NEXMIF: variants seen among roughly 807,000 people sequenced by gnomAD.
NEXMIF encodes neurite extension and migration factor.
Under a neutral mutation model 62.1 loss-of-function variants are expected in NEXMIF, and 8 were observed. The observed-to-expected ratio is 0.13, with a 90% CI of 0.08 to 0.23. The LOEUF is 0.23. NEXMIF is among the 10% of genes least tolerant of loss of function. The probability of loss-of-function intolerance (pLI) is 1.00; values close to 1 mark genes in which losing one functional copy is unlikely to be tolerated. For synonymous variants in NEXMIF, 404 were observed against 416.6 expected, an observed-to-expected ratio of 0.97 and a Z score of 0.37; for missense variants, 976 against 1,113.3, an observed-to-expected ratio of 0.88 and a Z score of 1.75.
At chrX:74,816,278 A>T (rs1358423787) in intron 1 of NEXMIF, among the ~76,000 whole-genome samples, 2 of 111,781 alleles carry the variant, frequency 1.8e-5, no homozygotes, top group Non-Finnish European at 3.8e-5. Context: ...TCACAAATTT[A>T]TACTGGGAAT....
chrX:74,829,162 G>T (rs1369733086), intron 1 of NEXMIF, among the ~76,000 whole-genome samples: 1 of 111,670 alleles, frequency 9.0e-6, no homozygotes, highest in Non-Finnish European at 1.9e-5. Flanking sequence ...GGTAAATGGG[G>T]TATCCATCCA....
chrX:74,821,783 G>A (rs1032370180), intron 1 of NEXMIF, among the ~76,000 whole-genome samples: 11 of 111,195 alleles, frequency 9.9e-5, no homozygotes, highest in East Asian at 2.8e-4. Context: ...AGGCCGGAGC[G>A]CCGTGGCTCA....
intron 1 of NEXMIF, among the ~76,000 whole-genome samples, chrX:74,768,755 T>C (rs780277669): frequency 1.8e-5 from 2 of 112,478 alleles, no homozygotes; most frequent in South Asian, 7.3e-4. Flanking sequence ...TTTAACTCTA[T>C]GTGACAGTAA....
chrX:74,831,723 T>C (rs1249334571), intron 1 of NEXMIF, among the ~76,000 whole-genome samples: 1 of 111,949 alleles, frequency 8.9e-6, no homozygotes, highest in Non-Finnish European at 1.9e-5. Context: ...TTCAGTTTTA[T>C]CCCATTCATT....
In NEXMIF at chrX:74,741,750, A is replaced by C. The variant is rs2080105001; in HGVS notation, c.2807T>G (p.Ile936Ser). ...ATTACTGCCACCACTATTGAGACAG[A>C]TTGGATTGTATGTTGTAGGTGTGAG... ...NNLTPTTYNP[I>S]CLNSGGSNCN... is the part of the protein sequence containing the mutation. The change falls in exon 3 of 4, where the codon ATC becomes AGC. Residue 936 changes from isoleucine (I) to serine (S), a missense_variant. By Grantham distance (142) the Ile-to-Ser change is moderately radical. Around this residue, in one of 5 missense-constraint regions of NEXMIF, gnomAD observed 639 missense variants for 694.5 expected, o/e 0.92. Transcript: ENST00000055682. The C allele has an allele frequency of 8.3e-7, 1 of 1,211,215 alleles. No homozygotes were observed. Among genetic ancestry groups the C allele is most frequent in the East Asian group, 3.0e-5 (1 of 33,823 alleles).
In NEXMIF at chrX:74,742,966, C is replaced by G. The variant is rs1341927874; in HGVS notation, c.1591G>C (p.Val531Leu). Residue 531 changes from valine to leucine, a missense_variant, in exon 3 of 4, where the codon GTA becomes CTA. Physicochemically the swap from Val to Leu is conservative, Grantham distance 32. Around this residue, in one of 5 missense-constraint regions of NEXMIF, gnomAD observed 639 missense variants for 694.5 expected, o/e 0.92. Transcript: ENST00000055682. ...DEWCPKKRRK[V>L]TRKEPPVIIK... ...ATAACAGGGGGCTCCTTACGGGTTA[C>G]TTTTCTTCTCTTTTTGGGACACCAT... The G allele has an allele frequency of 8.3e-7, 1 of 1,209,297 alleles. No individual in the cohort carries two copies. Among genetic ancestry groups the G allele is most frequent in the Admixed American group, 2.2e-5 (1 of 45,659 alleles).
At chrX:74,809,120 A>G (rs1364042468) in intron 1 of NEXMIF, among the ~76,000 whole-genome samples, 1 of 111,439 alleles carries the variant, frequency 9.0e-6, no homozygotes, top group Non-Finnish European at 1.9e-5. Flanking sequence ...CAGCACCTTG[A>G]TCTTGGACTT....
intron 1 of NEXMIF, among the ~76,000 whole-genome samples, chrX:74,864,647 G>A (rs1208198119): frequency 5.4e-5 from 6 of 111,955 alleles, no homozygotes; most frequent in Non-Finnish European, 1.1e-4. Flanking sequence ...GGCCTTCCCA[G>A]CCATGGGGAA....
chrX:74,773,636 G>A (rs2080218014), intron 1 of NEXMIF, among the ~76,000 whole-genome samples: 1 of 111,061 alleles, frequency 9.0e-6, no homozygotes, highest in African/African-American at 3.3e-5. Flanking sequence ...GGTCAGGTGC[G>A]GTGGCTTACG....
intron 1 of NEXMIF, among the ~76,000 whole-genome samples, chrX:74,756,222 T>C (rs1329910850): frequency 8.9e-6 from 1 of 112,094 alleles, no homozygotes; most frequent in Non-Finnish European, 1.9e-5. Flanking sequence ...CGGCCTCCCG[T>C]AGTGCTGGGA....
intron 1 of NEXMIF, among the ~76,000 whole-genome samples, chrX:74,790,398 G>A (rs1452159347): frequency 8.8e-6 from 1 of 113,388 alleles, no homozygotes; most frequent in Admixed American, 9.3e-5. Context: ...ACAGTTTGAA[G>A]TCAGGTAGTG....
intron 1 of NEXMIF, among the ~76,000 whole-genome samples, chrX:74,868,439 T>C (rs1569358277): frequency 9.0e-6 from 1 of 111,668 alleles, no homozygotes; most frequent in Non-Finnish European, 1.9e-5. Context: ...TTGAATACTA[T>C]GCAGGCATAA....
At chrX:74,747,129 TTG>T (rs1279581032) in intron 1 of NEXMIF, among the ~76,000 whole-genome samples, 1 of 112,121 alleles carries the variant, frequency 8.9e-6, no homozygotes, top group Non-Finnish European at 1.9e-5. Context: ...CATTTTTGTT[TTG>T]GAGTTCAGTA....
intron 1 of NEXMIF, among the ~76,000 whole-genome samples, chrX:74,891,067 CAG>C (rs2080716268): frequency 8.9e-6 from 1 of 111,753 alleles, no homozygotes; most frequent in African/African-American, 3.2e-5. Flanking sequence ...AGAGAAAAAA[CAG>C]AGCCATTTTT....
At chrX:74,904,664 T>G (rs2080760928) in intron 1 of NEXMIF, among the ~76,000 whole-genome samples, 3 of 111,590 alleles carry the variant, frequency 2.7e-5, no homozygotes, top group Non-Finnish European at 5.6e-5. Flanking sequence ...TGGATAATTT[T>G]TACGATGAAA....
intron 1 of NEXMIF, among the ~76,000 whole-genome samples, chrX:74,889,641 A>C (rs1227069249): frequency 3.6e-5 from 4 of 109,681 alleles, no homozygotes; most frequent in Non-Finnish European, 5.7e-5. Context: ...AGCACTGATA[A>C]AATTCTTCCT....
chrX:74,885,963 C>A (rs1354799333), intron 1 of NEXMIF, among the ~76,000 whole-genome samples: 1 of 112,079 alleles, frequency 8.9e-6, no homozygotes, highest in Non-Finnish European at 1.9e-5. Context: ...ATCAAGTGTG[C>A]TTCATCCCTG....
At chrX:74,902,343 T>C (rs1042702603) in intron 1 of NEXMIF, among the ~76,000 whole-genome samples, 5 of 109,561 alleles carry the variant, frequency 4.6e-5, no homozygotes, top group Non-Finnish European at 9.5e-5. Flanking sequence ...CATGTATGTT[T>C]ATGTGTGTGT....
At chrX:74,865,435 A>G (rs2080575026) in intron 1 of NEXMIF, among the ~76,000 whole-genome samples, 1 of 112,404 alleles carries the variant, frequency 8.9e-6, no homozygotes, top group African/African-American at 3.2e-5. Context: ...TAATCTGCAA[A>G]GCATTCAAAA....
Sources: gnomAD v4.1 joint callset for allele counts (sites outside exome capture counted in the v4.1 genomes callset) on GRCh38, gnomAD v4.1.1 for gene constraint, gnomAD v4.1.1 regional missense constraint, MANE v1.5 for transcripts, NCBI Gene and HGNC (gene_info 2026-07-23, HGNC 2026-07-21) for gene names.